The following CSF2RB variants were observed in gnomAD, a reference collection of about 807,000 sequenced individuals.
CSF2RB encodes the protein colony stimulating factor 2 receptor subunit beta.
CSF2RB carries 22 observed loss-of-function variants against 67.2 expected under a neutral mutation model. The observed-to-expected ratio is 0.33, with a 90% CI of 0.23 to 0.47. The LOEUF (loss-of-function observed/expected upper bound fraction) is 0.47. CSF2RB is among the 20% of genes least tolerant of loss of function. The pLI, the probability that CSF2RB is intolerant of heterozygous loss-of-function variation, is 1.00. For synonymous variants in CSF2RB, 507 were observed against 482.9 expected (o/e 1.05, Z -0.65); for missense variants, 1,113 against 1,174.5 (o/e 0.95, Z 0.76).
intron 9 of CSF2RB, 87 bp downstream of exon 9, chr22:36,932,991 C>T (rs868650672): frequency 7.4e-5 from 114 of 1,550,500 alleles, no homozygotes; most frequent in South Asian, 2.3e-4. Flanking sequence ...TGCAAGGCGT[C>T]GGGCCCTTGG....
In CSF2RB at chr22:36,937,378, G is replaced by C. The variant is rs202130873; in HGVS notation, c.1570G>C (p.Val524Leu). ...WGSRFPELEGVFPVGFGDSEV... is the reference protein window; with the variant it reads ...WGSRFPELEGLFPVGFGDSEV... ...CTTCTGCCCATTTTCTTCCCACAGG[G>C]TGTTCCCTGTAGGATTCGGGGACAG... is the stretch of plus-strand genomic sequence containing the variant. Residue 524 changes from valine to leucine, a missense_variant and splice_region_variant, in exon 14 of 14, where the codon GTG becomes CTG. By Grantham distance (32) the Val-to-Leu change is conservative. This residue lies in a region of CSF2RB where 554 missense variants were observed against 517.9 expected (regional missense o/e 1.07). Transcript: ENST00000403662. The surrounding 1 kb of genome is among the most constrained non-coding windows in gnomAD (Gnocchi z 4.6). 3 of 1,613,216 alleles carry C rather than the reference G, an allele frequency of 1.9e-6. No individual in the cohort carries two copies. In the African/African-American group the frequency reaches 4.0e-5, roughly 22 times the overall value.
At chr22:36,914,927 A>T (rs1940684601) in intron 1 of CSF2RB, among the ~76,000 whole-genome samples, 1 of 152,240 alleles carries the variant, frequency 6.6e-6, no homozygotes, top group Admixed American at 6.5e-5. Flanking sequence ...CATGAAAATT[A>T]GAATAATCTA....
chr22:36,918,201 A>G (rs1341677094), intron 1 of CSF2RB, among the ~76,000 whole-genome samples: 1 of 152,200 alleles, frequency 6.6e-6, no homozygotes, highest in African/African-American at 2.4e-5. Context: ...AACCTAGAGT[A>G]ATTTCTTTCA....
In CSF2RB at chr22:36,938,688, C is replaced by A; in HGVS notation, c.*186C>A. On this transcript the variant is annotated 3_prime_UTR_variant, in exon 14 of 14. Coordinates refer to ENST00000403662, the MANE Select transcript of CSF2RB (RefSeq NM_000395.3). ...CAAATCACTTCTCTCCCTGCGCTCACACAGACACACACACACACACGTACA... is the reference window on the plus strand; with the variant it reads ...CAAATCACTTCTCTCCCTGCGCTCAAACAGACACACACACACACACGTACA... 1 of 610,168 alleles carries A rather than the reference C, an allele frequency of 1.6e-6. No individual in the cohort carries two copies. Among genetic ancestry groups the A allele is most frequent in the Non-Finnish European group, 2.9e-6 (1 of 347,954 alleles). The allele number at this position is 610,168 out of a possible 1,614,324, so 37.8% of individuals were successfully genotyped here.
rs773437114 is a variant in CSF2RB at position 36,937,534 on chromosome 22, G to A, written c.1726G>A (p.Ala576Thr). Residue 576 changes from alanine to threonine, a missense_variant, in exon 14 of 14, where the codon GCC becomes ACC. Transcript: ENST00000403662. This position sits in a 1 kb window ranked among gnomAD's most constrained non-coding sequence, Gnocchi z 4.6. Reference protein sequence around the residue: ...PPSPQPGPPAASHTPEKQASS... With the variant: ...PPSPQPGPPATSHTPEKQASS... Reference sequence around the variant, plus strand: ...CAGCCCCCAGCCAGGCCCGCCTGCCGCCTCCCACACACCTGAGAAACAGGC... The same window carrying A: ...CAGCCCCCAGCCAGGCCCGCCTGCCACCTCCCACACACCTGAGAAACAGGC... The A allele has an allele frequency of 1.9e-5, 30 of 1,613,502 alleles. No homozygotes were observed. The highest frequency in any genetic ancestry group is 1.3e-4 in the Admixed American group (8 of 59,948).
chr22:36,930,439 C>T lies in CSF2RB; in HGVS notation c.783C>T (p.Ser261=), dbSNP rs141959318. ...FFDGAAVLSC[S]WEVRKEVASS... The stretch of plus-strand genomic sequence containing the variant: ...ACGGGGCCGCCGTGCTCAGCTGCTC[C>T]TGGGAGGTGAGGAAGGAGGTGGCCA... Residue 261 remains serine, a synonymous_variant, in exon 7 of 14, where the codon TCC becomes TCT. Coordinates refer to ENST00000403662, the MANE Select transcript of CSF2RB (RefSeq NM_000395.3). 40 of 1,613,716 alleles carry T rather than the reference C, an allele frequency of 2.5e-5. No individual in the cohort carries two copies. In the African/African-American group the frequency reaches 4.5e-4, roughly 18 times the overall value.
Position 36,938,617 on chromosome 22 carries a change from G to A in CSF2RB, c.*115G>A, listed in dbSNP as rs41283225. The stretch of plus-strand genomic sequence containing the variant: ...GCAGCCTCCTGTCAAGGTAGCTAGA[G>A]GCCTGGGAAAGGAGATAGCCTTGCT... On this transcript the variant is annotated 3_prime_UTR_variant, in exon 14 of 14. Transcript: ENST00000403662. The A allele has an allele frequency of 0.028, 33,392 of 1,191,094 alleles. 844 individuals carry two copies. The highest frequency in any genetic ancestry group is 0.092 in the South Asian group (5,904 of 63,834). 73.8% of individuals were successfully genotyped at this position (1,191,094 alleles called of 1,614,324 possible). A position where few individuals can be genotyped will look rare whatever the true frequency, so the allele number is the denominator to read the frequency against.
intron 10 of CSF2RB, 140 bp from the exon 11 acceptor site, chr22:36,935,210 TC>T: frequency 1.3e-6 from 1 of 780,226 alleles, no homozygotes; most frequent in Non-Finnish European, 2.2e-6. Flanking sequence ...TCTCCCCTAA[TC>T]CCCCAAGGCA....
intron 8 of CSF2RB, among the ~76,000 whole-genome samples, chr22:36,931,334 G>A (rs369873196): frequency 6.6e-6 from 1 of 152,196 alleles, no homozygotes; most frequent in Non-Finnish European, 1.5e-5. Flanking sequence ...AACCTCTCAC[G>A]TTGTTTCATG....
chr22:36,935,377 A>T lies in CSF2RB; in HGVS notation c.1342A>T (p.Ile448Phe), dbSNP rs1365280413. ...GCTGCCTATGTGGGTGCTGGCCCTCATCGTGATCTTCCTCACCATCGCTGT... is the reference window on the plus strand; with the variant it reads ...GCTGCCTATGTGGGTGCTGGCCCTCTTCGTGATCTTCCTCACCATCGCTGT... ...SVLPMWVLAL[I>F]VIFLTIAVLL... The change falls in exon 11 of 14, where the codon ATC becomes TTC. Residue 448 changes from isoleucine (I) to phenylalanine (F), a missense_variant. Ile to Phe is a conservative substitution (Grantham distance 21). Coordinates refer to ENST00000403662, the MANE Select transcript of CSF2RB (RefSeq NM_000395.3). 2.5e-6 allele frequency: 4 copies of T among 1,613,908 alleles called. No homozygotes were observed. In the African/African-American group the frequency reaches 4.0e-5, roughly 16 times the overall value.
chr22:36,938,385 GC>G lies in CSF2RB; in HGVS notation c.2582del (p.Pro861GlnfsTer17). On this transcript the variant is annotated frameshift_variant, in exon 14 of 14. Coordinates refer to ENST00000403662, the MANE Select transcript of CSF2RB (RefSeq NM_000395.3). LOFTEE classifies it low-confidence loss of function (END_TRUNC). ...TAGACCAGGCTTTTCAAGTCAAGAA[GC>G]CCCCAGGCCAGGCTGTGCCCCAGGT... ...NLDQAFQVKK[P>X]PGQAVPQVPV... The G allele has an allele frequency of 6.2e-7, 1 of 1,614,158 alleles. No homozygotes were observed. The highest frequency in any genetic ancestry group is 2.2e-5 in the East Asian group (1 of 44,874).
rs1449013828 is a variant in CSF2RB, at chr22:36,938,097, T to A, written c.2289T>A (p.Phe763Leu). The part of the protein sequence containing the change: ...PGAPGPVKSG[F>L]EGYVELPPIE... ...CCCCAGGCCCTGTGAAGTCAGGGTT[T>A]GAGGGCTATGTGGAGCTCCCTCCAA... The change falls in exon 14 of 14, where the codon TTT (phenylalanine) becomes TTA (leucine). Residue 763 changes from phenylalanine (F) to leucine (L), a missense_variant. This residue lies in a region of CSF2RB where 554 missense variants were observed against 517.9 expected (regional missense o/e 1.07). Coordinates refer to ENST00000403662, the MANE Select transcript of CSF2RB (RefSeq NM_000395.3). 1 of 1,614,026 alleles carries A rather than the reference T, an allele frequency of 6.2e-7. No individual in the cohort carries two copies.
rs1940922644 is a variant in CSF2RB at position 36,923,256 on chromosome 22, T to C, written c.89T>C (p.Leu30Pro). The change falls in exon 3 of 14, where the codon CTG becomes CCG. Residue 30 changes from leucine to proline, a missense_variant. By Grantham distance (98) the Leu-to-Pro change is moderately conservative (BLOSUM62 -3). Around this residue, in one of 2 missense-constraint regions of CSF2RB, gnomAD observed 559 missense variants for 656.5 expected, o/e 0.85. Transcript: ENST00000403662. ...CCCCTCTTGTCAGAAACCATCCCGC[T>C]GCAGACCCTGCGCTGCTACAACGAC... ...SLAGAEETIP[L>P]QTLRCYNDYT... 3.7e-6 allele frequency: 6 copies of C among 1,614,186 alleles called. No homozygotes were observed. Among genetic ancestry groups the C allele is most frequent in the Non-Finnish European group, 4.2e-6 (5 of 1,180,020 alleles).
At position 36,938,558 on chromosome 22, in the gene CSF2RB, T is replaced by A. The variant is rs931582493; in HGVS notation, c.*56T>A. 8 of 1,539,182 alleles carry A rather than the reference T, an allele frequency of 5.2e-6. No homozygotes were observed. Among genetic ancestry groups the A allele is most frequent in the Non-Finnish European group, 6.1e-6 (7 of 1,140,336 alleles). On this transcript the variant is annotated 3_prime_UTR_variant, in exon 14 of 14. Transcript: ENST00000403662. Reference sequence around the variant, plus strand: ...GAGAGGGCTTGCCTTCCCTCCCGCCTGACCTTCCTCAGTCATTTCTGCAAA... The same window carrying A: ...GAGAGGGCTTGCCTTCCCTCCCGCCAGACCTTCCTCAGTCATTTCTGCAAA...
chr22:36,926,131 A>G lies in CSF2RB; in HGVS notation c.345A>G (p.Pro115=). 1 of 1,614,200 alleles carries G rather than the reference A, an allele frequency of 6.2e-7. No homozygotes were observed. The change falls in exon 4 of 14, where the codon CCA becomes CCG. Residue 115 remains proline, a synonymous_variant. Transcript: ENST00000403662. ...ACGTTGACTACTTCTCATTCCAACC[A>G]GACAGGCCTCTGGGCACCCGGCTCA... ...VTDVDYFSFQ[P]DRPLGTRLTV...
At chr22:36,929,363 G>T in intron 4 of CSF2RB, 39 bp from the exon 5 acceptor site, 1 of 1,613,886 alleles carries the variant, frequency 6.2e-7, no homozygotes, top group Non-Finnish European at 8.5e-7. Flanking sequence ...GCCCCCCAGC[G>T]GTCCAGCCCT....
In CSF2RB at chr22:36,938,572, C is replaced by T; in HGVS notation, c.*70C>T. On this transcript the variant is annotated 3_prime_UTR_variant, in exon 14 of 14. Coordinates refer to ENST00000403662, the MANE Select transcript of CSF2RB (RefSeq NM_000395.3). ...TCCCTCCCGCCTGACCTTCCTCAGT[C>T]ATTTCTGCAAAGCCAAGGGGCAGCC... 1 of 1,508,070 alleles carries T rather than the reference C, an allele frequency of 6.6e-7. No individual in the cohort carries two copies. The highest frequency in any genetic ancestry group is 8.9e-7 in the Non-Finnish European group (1 of 1,121,900). 93.4% of individuals were successfully genotyped at this position (1,508,070 alleles called of 1,614,324 possible).
rs763038738 is a variant in CSF2RB, at chr22:36,929,713, C to A, written c.624C>A (p.Tyr208Ter). 2 of 1,614,244 alleles carry A rather than the reference C, an allele frequency of 1.2e-6. No individual in the cohort carries two copies. Among genetic ancestry groups the A allele is most frequent in the Non-Finnish European group, 1.7e-6 (2 of 1,180,046 alleles). ...GPEHLMPSSTYVARVRTRLAP... is the reference protein window; with the variant it reads ...GPEHLMPSST The stretch of plus-strand genomic sequence containing the variant: ...AGCACCTCATGCCCAGCAGCACCTA[C>A]GTGGCCCGAGTACGGACCCGCCTGG... Residue 208 changes from tyrosine to a stop codon, truncating the protein, a stop_gained, in exon 6 of 14, where the codon TAC becomes TAA. Coordinates refer to ENST00000403662, the MANE Select transcript of CSF2RB (RefSeq NM_000395.3). LOFTEE classifies it high-confidence loss of function.
intron 2 of CSF2RB, chr22:36,922,689 T>C (rs1222606126): frequency 4.1e-5 from 14 of 339,350 alleles, no homozygotes; most frequent in Non-Finnish European, 6.8e-5. Context: ...AGCACCCTCC[T>C]TGTGCCTGAA....
Sources: allele counts gnomAD v4.1 joint callset (sites outside exome capture counted in the v4.1 genomes callset), GRCh38; gene constraint gnomAD v4.1.1; regional missense constraint gnomAD v4.1.1; non-coding constraint Gnocchi (gnomAD v3.1); transcripts MANE v1.5; gene names NCBI Gene and HGNC (gene_info 2026-07-23, HGNC 2026-07-21).